YBX1: variants seen among roughly 807,000 people sequenced by gnomAD.
YBX1 encodes Y-box binding protein 1.
Under a neutral mutation model 41.4 loss-of-function variants are expected in YBX1, and 3 were observed. The ratio of observed to expected loss-of-function variants is 0.07; its 90% CI spans 0.03 to 0.19. YBX1 has a LOEUF of 0.19. Among genes scored for constraint, YBX1 ranks in the 10% least tolerant of loss-of-function variants. The pLI, the probability that YBX1 is intolerant of heterozygous loss-of-function variation, is 1.00. For synonymous variants in YBX1, 133 were observed against 165.8 expected (o/e 0.80, Z 1.52); for missense variants, 274 against 462.8 (o/e 0.59, Z 3.74).
intron 3 of YBX1, among the ~76,000 whole-genome samples, chr1:42,695,018 T>C (rs1650426482): frequency 6.6e-6 from 1 of 152,202 alleles, no homozygotes; most frequent in African/African-American, 2.4e-5. Flanking sequence ...TAATTGATAG[T>C]TGGCTATATC....
intron 2 of YBX1, among the ~76,000 whole-genome samples, chr1:42,687,422 T>A (rs1557529437): frequency 6.6e-6 from 1 of 152,132 alleles, no homozygotes; most frequent in Non-Finnish European, 1.5e-5. Context: ...TAGCTGGGAT[T>A]ACAGGCGCCC....
chr1:42,691,901 G>T (rs1570419369), intron 2 of YBX1, among the ~76,000 whole-genome samples: 1 of 151,604 alleles, frequency 6.6e-6, no homozygotes, highest in East Asian at 1.9e-4. Flanking sequence ...TCACTCTGTT[G>T]CCCAGGCTGG....
At chr1:42,685,605 G>C (rs1650174494) in intron 2 of YBX1, among the ~76,000 whole-genome samples, 2 of 152,196 alleles carry the variant, frequency 1.3e-5, no homozygotes, top group South Asian at 4.1e-4. Flanking sequence ...TCTCTTATGA[G>C]GGAGGGAGAC....
At chr1:42,697,522 A>G (rs1650490992) in intron 6 of YBX1, among the ~76,000 whole-genome samples, 3 of 152,312 alleles carry the variant, frequency 2.0e-5, no homozygotes, top group African/African-American at 7.2e-5. Context: ...TTTAAACCAC[A>G]CCTTTTAAAC....
At chr1:42,682,801 G>A in intron 1 of YBX1, 70 bp downstream of exon 1, 1 of 1,088,748 alleles carries the variant, frequency 9.2e-7, no homozygotes, top group Non-Finnish European at 1.1e-6. Flanking sequence ...GCCGGAGCTG[G>A]GCGAGCCGGC....
chr1:42,683,359 A>T (rs1454051665), intron 1 of YBX1, 44 bp from the exon 2 acceptor site: 3 of 1,613,316 alleles, frequency 1.9e-6, no homozygotes, highest in Non-Finnish European at 2.5e-6. Flanking sequence ...TTGGAAAAGG[A>T]TAGCTGGTAA....
Position 42,696,391 on chromosome 1 carries a change from G to C in YBX1, c.354+103G>C. The C allele has an allele frequency of 8.1e-7, 1 of 1,235,890 alleles. No homozygotes were observed. The allele number at this position is 1,235,890 out of a possible 1,614,324, so 76.6% of individuals were successfully genotyped here. ...CTAATGTGGATGGATGTGTTCAGGTGACCTCATGAACACAGGTGCATCAAG... is the reference window on the plus strand; with the variant it reads ...CTAATGTGGATGGATGTGTTCAGGTCACCTCATGAACACAGGTGCATCAAG... On this transcript the variant is annotated intron_variant, in intron 4 of 7. Coordinates refer to ENST00000321358, the MANE Select transcript of YBX1 (RefSeq NM_004559.5). The surrounding 1 kb of genome is among the most constrained non-coding windows in gnomAD (Gnocchi z 5.7).
intron 2 of YBX1, among the ~76,000 whole-genome samples, chr1:42,691,532 C>T (rs540085802): frequency 2.0e-5 from 3 of 152,036 alleles, no homozygotes; most frequent in Admixed American, 1.3e-4. Flanking sequence ...ATTTTTATTG[C>T]CGGGTATGAT....
chr1:42,694,168 G>T (rs567226586), intron 3 of YBX1, among the ~76,000 whole-genome samples: 1 of 152,230 alleles, frequency 6.6e-6, no homozygotes, highest in African/African-American at 2.4e-5. Context: ...TTGGCTTCCA[G>T]TGATTTGGGA....
In YBX1 at chr1:42,696,898, G is replaced by A. The variant is rs780773403; in HGVS notation, c.611G>A (p.Arg204His). 1.4e-5 allele frequency: 22 copies of A among 1,572,366 alleles called. No individual in the cohort carries two copies. The highest frequency in any genetic ancestry group is 3.6e-5 in the Admixed American group (2 of 54,924). The change falls in exon 5 of 8, where the codon CGT (arginine) becomes CAT (histidine). Residue 204 changes from arginine to histidine, a missense_variant. Arg to His is a conservative substitution (Grantham distance 29, BLOSUM62 0). Transcript: ENST00000321358. The surrounding 1 kb of genome is among the most constrained non-coding windows in gnomAD (Gnocchi z 5.7). ...TACTACATGCGGAGACCCTATGGGC[G>A]TCGACCACAGTATTCCAACCCTCCT... ...PPYYMRRPYG[R>H]RPQYSNPPVQ...
chr1:42,689,317 A>G (rs1650273140), intron 2 of YBX1, among the ~76,000 whole-genome samples: 2 of 152,196 alleles, frequency 1.3e-5, no homozygotes, highest in Admixed American at 1.3e-4. Flanking sequence ...GGAAATTGGT[A>G]TCTGGTTGCT....
At chr1:42,694,814 A>G (rs549489793) in intron 3 of YBX1, among the ~76,000 whole-genome samples, 41 of 152,302 alleles carry the variant, frequency 2.7e-4, no homozygotes, top group Admixed American at 3.9e-4. Flanking sequence ...ACACAGCTCA[A>G]CTGTTCCTTA....
intron 3 of YBX1, 25 bp downstream of exon 3, chr1:42,693,548 A>G: frequency 6.2e-7 from 1 of 1,611,656 alleles, no homozygotes; most frequent in Non-Finnish European, 8.5e-7. Context: ...AGATATTTGC[A>G]CTTCTGATTC....
At chr1:42,687,837 C>T (rs947753358) in intron 2 of YBX1, among the ~76,000 whole-genome samples, 1 of 152,118 alleles carries the variant, frequency 6.6e-6, no homozygotes, top group Non-Finnish European at 1.5e-5. Flanking sequence ...ACAGTAGATC[C>T]ATTGCTAAGC....
chr1:42,683,483 T>C lies in YBX1; in HGVS notation c.230+17T>C, dbSNP rs768663045. 3 of 1,612,566 alleles carry C rather than the reference T, an allele frequency of 1.9e-6. No individual in the cohort carries two copies. Among genetic ancestry groups the C allele is most frequent in the Non-Finnish European group, 2.5e-6 (3 of 1,179,998 alleles). ...CATCAACAGGTGAGCTGCCGGGCTC[T>C]GAAGCCTCCATCCCACCTTCTTGCT... On this transcript the variant is annotated intron_variant, in intron 2 of 7. Transcript: ENST00000321358.
At chr1:42,688,759 C>T (rs57598912) in intron 2 of YBX1, among the ~76,000 whole-genome samples, 7,766 of 152,164 alleles carry the variant, frequency 0.051, 299 homozygotes, top group African/African-American at 0.098. Context: ...TTCAGTTGCT[C>T]GATATGTGCT....
At chr1:42,687,840 T>A (rs1250502497) in intron 2 of YBX1, among the ~76,000 whole-genome samples, 1 of 152,204 alleles carries the variant, frequency 6.6e-6, no homozygotes, top group East Asian at 1.9e-4. Flanking sequence ...GTAGATCCAT[T>A]GCTAAGCCAC....
intron 1 of YBX1, 198 bp from the exon 2 acceptor site, chr1:42,683,205 G>A: frequency 2.8e-6 from 2 of 706,334 alleles, no homozygotes; most frequent in Non-Finnish European, 5.2e-6. Flanking sequence ...GGCCTGCCCT[G>A]GAGCGCCCCG....
chr1:42,689,500 C>T (rs944253971), intron 2 of YBX1, among the ~76,000 whole-genome samples: 2 of 152,058 alleles, frequency 1.3e-5, no homozygotes, highest in Non-Finnish European at 2.9e-5. Flanking sequence ...TATAATAAGT[C>T]TTATTTAAGG....
Sources: allele counts gnomAD v4.1 joint callset (sites outside exome capture counted in the v4.1 genomes callset), GRCh38; gene constraint gnomAD v4.1.1; non-coding constraint Gnocchi (gnomAD v3.1); transcripts MANE v1.5; gene names NCBI Gene and HGNC (gene_info 2026-07-23, HGNC 2026-07-21).